NCAM2: variants seen among roughly 807,000 people sequenced by gnomAD.
NCAM2 encodes the protein N-CAM-2.
A neutral mutation model predicts 98.1 loss-of-function variants in NCAM2; 30 were observed. The observed-to-expected ratio is 0.31, with a 90% CI of 0.23 to 0.41. NCAM2 has a LOEUF of 0.41. Among genes scored for constraint, NCAM2 ranks in the 10% least tolerant of loss-of-function variants. The pLI is 1.00. For missense variants in NCAM2, 867 were observed against 1,005.8 expected, an observed-to-expected ratio of 0.86 and a Z score of 1.87; for synonymous variants, 368 against 342.4, an observed-to-expected ratio of 1.07 and a Z score of -0.83.
intron 1 of NCAM2, among the ~76,000 whole-genome samples, chr21:21,069,073 A>G (rs990434927): frequency 6.6e-6 from 1 of 152,182 alleles, no homozygotes; most frequent in African/African-American, 2.4e-5. Flanking sequence ...TTTGCATATG[A>G]TTAAAATCCA....
intron 1 of NCAM2, among the ~76,000 whole-genome samples, chr21:21,071,145 T>A (rs941574481): frequency 1.3e-5 from 2 of 152,174 alleles, no homozygotes; most frequent in Admixed American, 1.3e-4. Flanking sequence ...GAAAAACTGA[T>A]ATACTAATTC....
chr21:21,403,381 A>G (rs1236421869), intron 9 of NCAM2, among the ~76,000 whole-genome samples: 3 of 152,210 alleles, frequency 2.0e-5, no homozygotes, highest in Admixed American at 6.5e-5. Context: ...GCATTTAAAC[A>G]GTAATTTGCA....
chr21:21,141,826 T>C (rs2067173788), intron 1 of NCAM2, among the ~76,000 whole-genome samples: 1 of 152,232 alleles, frequency 6.6e-6, no homozygotes. Context: ...TGAAGTGAAC[T>C]GATTAACTGA....
chr21:21,509,179 C>T (rs1237427339), intron 16 of NCAM2, 124 bp downstream of exon 16: 6 of 785,014 alleles, frequency 7.6e-6, no homozygotes, highest in Non-Finnish European at 1.2e-5. Context: ...CAACATTGGA[C>T]ACTGCACTGC....
At chr21:21,403,363 A>C (rs2076672177) in intron 9 of NCAM2, among the ~76,000 whole-genome samples, 1 of 152,168 alleles carries the variant, frequency 6.6e-6, no homozygotes, top group African/African-American at 2.4e-5. Context: ...TGTTGAGATG[A>C]ATACCTTGCA....
intron 1 of NCAM2, among the ~76,000 whole-genome samples, chr21:21,061,460 A>C (rs1421005448): frequency 6.6e-6 from 1 of 152,142 alleles, no homozygotes; most frequent in African/African-American, 2.4e-5. Flanking sequence ...AACATTCATG[A>C]TACCTTTCTT....
At chr21:21,468,866 GAGA>G in intron 14 of NCAM2, 83 bp downstream of exon 14, 1 of 1,230,874 alleles carries the variant, frequency 8.1e-7, no homozygotes, top group Non-Finnish European at 1.1e-6. Flanking sequence ...CATATCAGGA[GAGA>G]ATGTGTATTT....
intron 1 of NCAM2, among the ~76,000 whole-genome samples, chr21:21,006,425 C>G (rs989021780): frequency 6.6e-6 from 1 of 152,250 alleles, no homozygotes. Flanking sequence ...TAGAAAATCA[C>G]TTGAGTCTGG....
chr21:21,316,859 A>G (rs1234869324), intron 5 of NCAM2, among the ~76,000 whole-genome samples: 2 of 152,162 alleles, frequency 1.3e-5, no homozygotes. Flanking sequence ...TATTCTTGAT[A>G]TATAAATAAA....
At chr21:21,111,034 A>G (rs2066444411) in intron 1 of NCAM2, among the ~76,000 whole-genome samples, 1 of 152,134 alleles carries the variant, frequency 6.6e-6, no homozygotes, top group African/African-American at 2.4e-5. Flanking sequence ...GTTGTGTACT[A>G]TTTTTGTTAA....
intron 1 of NCAM2, among the ~76,000 whole-genome samples, chr21:21,261,535 C>T (rs943736679): frequency 6.6e-6 from 1 of 152,004 alleles, no homozygotes; most frequent in Non-Finnish European, 1.5e-5. Context: ...GAATGCAATA[C>T]CAAGTGGAAC....
At chr21:21,268,572 A>T (rs975009693) in intron 1 of NCAM2, among the ~76,000 whole-genome samples, 1 of 152,114 alleles carries the variant, frequency 6.6e-6, no homozygotes, top group African/African-American at 2.4e-5. Flanking sequence ...CAATTTCGTT[A>T]TATCAGCCTT....
intron 1 of NCAM2, among the ~76,000 whole-genome samples, chr21:21,268,192 T>C (rs2072357565): frequency 6.6e-6 from 1 of 152,132 alleles, no homozygotes; most frequent in African/African-American, 2.4e-5. Flanking sequence ...GTGCTGAGGA[T>C]TTTTCGGAGT....
At chr21:21,269,671 C>T (rs2072421040) in intron 1 of NCAM2, among the ~76,000 whole-genome samples, 1 of 152,128 alleles carries the variant, frequency 6.6e-6, no homozygotes, top group Non-Finnish European at 1.5e-5. Context: ...AGTATATTCT[C>T]ACATTAATGG....
At chr21:21,005,432 C>T (rs1375319025) in intron 1 of NCAM2, among the ~76,000 whole-genome samples, 1 of 152,010 alleles carries the variant, frequency 6.6e-6, no homozygotes, top group Non-Finnish European at 1.5e-5. Context: ...TGAAAAAGTG[C>T]ACCCATTTTC....
chr21:21,105,036 A>G (rs1241570387), intron 1 of NCAM2, among the ~76,000 whole-genome samples: 9 of 152,284 alleles, frequency 5.9e-5, no homozygotes, highest in South Asian at 2.1e-4. Context: ...ACCCTAGCCA[A>G]CAGCAAGTTC....
chr21:21,332,106 T>C lies in NCAM2; in HGVS notation c.738-3399T>C, dbSNP rs926223781. Among the ~76,000 whole-genome samples, 18 of 151,750 alleles carry C rather than the reference T, an allele frequency of 1.2e-4. 1 individual carries two copies. The highest frequency in any genetic ancestry group is 5.9e-5 in the Non-Finnish European group (4 of 67,938). On this transcript the variant is annotated intron_variant, in intron 6 of 17. Coordinates refer to ENST00000400546, the MANE Select transcript of NCAM2 (RefSeq NM_004540.5). ...TTTTTGTAGAAACCGGGTTTCACCATATTGGCCAGGCTGATCTGTAACTCC... is the reference window on the plus strand; with the variant it reads ...TTTTTGTAGAAACCGGGTTTCACCACATTGGCCAGGCTGATCTGTAACTCC...
chr21:21,341,339 A>G (rs1330080589), intron 8 of NCAM2, among the ~76,000 whole-genome samples: 1 of 152,158 alleles, frequency 6.6e-6, no homozygotes, highest in Non-Finnish European at 1.5e-5. Flanking sequence ...CCCAGGGCAT[A>G]GGAATGCATA....
chr21:21,124,991 A>T (rs1001894279), intron 1 of NCAM2, among the ~76,000 whole-genome samples: 12 of 152,180 alleles, frequency 7.9e-5, no homozygotes, highest in African/African-American at 2.9e-4. Context: ...AGCCAGAAAT[A>T]TAAGCTAAAT....
Sources: allele counts gnomAD v4.1 joint callset (sites outside exome capture counted in the v4.1 genomes callset), GRCh38; gene constraint gnomAD v4.1.1; transcripts MANE v1.5; gene names NCBI Gene and HGNC (gene_info 2026-07-23, HGNC 2026-07-21).